The following CRTAM variants were observed in gnomAD, a reference collection of about 807,000 sequenced individuals.
CRTAM encodes cytotoxic and regulatory T cell molecule.
A neutral mutation model predicts 50.0 loss-of-function variants in CRTAM; 44 were observed. The ratio of observed to expected loss-of-function variants is 0.88; its 90% CI spans 0.69 to 1.13. CRTAM has a LOEUF of 1.13. CRTAM is among the 50% of genes most tolerant of loss of function. The pLI is 0.00. For synonymous variants in CRTAM, 159 were observed against 169.3 expected, an observed-to-expected ratio of 0.94 and a Z score of 0.47; for missense variants, 448 against 457.5, an observed-to-expected ratio of 0.98 and a Z score of 0.19.
chr11:122,850,379 C>A (rs1034902996), intron 2 of CRTAM, among the ~76,000 whole-genome samples, 165 bp downstream of exon 2: 1 of 152,206 alleles, frequency 6.6e-6, no homozygotes, highest in East Asian at 1.9e-4. Context: ...TTATTTTACA[C>A]GCAGTGGCTT....
At chr11:122,863,022 C>T (rs961908471) in intron 6 of CRTAM, among the ~76,000 whole-genome samples, 1 of 152,142 alleles carries the variant, frequency 6.6e-6, no homozygotes, top group Non-Finnish European at 1.5e-5. Flanking sequence ...ACATCAATTA[C>T]TTGATTGTCA....
intron 5 of CRTAM, among the ~76,000 whole-genome samples, chr11:122,857,193 G>T (rs1177971871): frequency 6.6e-6 from 1 of 152,224 alleles, no homozygotes; most frequent in East Asian, 1.9e-4. Flanking sequence ...CTAAGGCCAG[G>T]CGTAATGGCT....
At chr11:122,844,886 G>A (rs1207965068) in intron 1 of CRTAM, among the ~76,000 whole-genome samples, 1 of 152,206 alleles carries the variant, frequency 6.6e-6, no homozygotes, top group African/African-American at 2.4e-5. Context: ...AGAGTTATTG[G>A]TTTTGGGCCT....
chr11:122,856,825 A>G (rs1862012829), intron 5 of CRTAM, among the ~76,000 whole-genome samples: 1 of 152,166 alleles, frequency 6.6e-6, no homozygotes, highest in East Asian at 1.9e-4. Context: ...AACCAAAAGT[A>G]GTCATTGCAG....
At chr11:122,868,981 C>T (rs952285389) in intron 9 of CRTAM, among the ~76,000 whole-genome samples, 7 of 151,976 alleles carry the variant, frequency 4.6e-5, no homozygotes, top group Non-Finnish European at 4.4e-5. Flanking sequence ...TGCACTCCAA[C>T]CTGGGTGACA....
At chr11:122,864,349 C>A (rs1025775336) in intron 6 of CRTAM, among the ~76,000 whole-genome samples, 1 of 152,156 alleles carries the variant, frequency 6.6e-6, no homozygotes, top group African/African-American at 2.4e-5. Flanking sequence ...CTGCTCTAAA[C>A]CTCCGTTTTC....
Position 122,871,728 on chromosome 11 carries a change from T to A in CRTAM, c.*329T>A. On this transcript the variant is annotated 3_prime_UTR_variant, in exon 10 of 10. Transcript: ENST00000227348. Reference sequence around the variant, plus strand: ...CCTCAAATGGAACAGGATTTTTTGATGCTTTGCTCTAATGGAACTGTTTAA... The same window carrying A: ...CCTCAAATGGAACAGGATTTTTTGAAGCTTTGCTCTAATGGAACTGTTTAA... 5.9e-6 allele frequency: 1 copy of A among 169,150 alleles called. No homozygotes were observed. 10.5% of individuals were successfully genotyped at this position (169,150 alleles called of 1,614,324 possible).
At chr11:122,853,292 G>T (rs868708266) in intron 3 of CRTAM, among the ~76,000 whole-genome samples, 4 of 151,762 alleles carry the variant, frequency 2.6e-5, no homozygotes, top group Non-Finnish European at 5.9e-5. Flanking sequence ...GGATGGTCTC[G>T]ATCTCCTGAT....
In CRTAM at chr11:122,850,220, T is replaced by TGAAA. The variant is rs756718145; in HGVS notation, c.193+19_193+22dup. Reference sequence around the variant, plus strand: ...TTTTTTAAATGAGTATCCTGGTAAGTGAAAGAAAGAAAGAAAAAATGCCAC... The same window carrying TGAAA: ...TTTTTTAAATGAGTATCCTGGTAAGTGAAAGAAAGAAAGAAAGAAAAAATGCCAC... On this transcript the variant is annotated splice_region_variant and intron_variant, in intron 2 of 9. Transcript: ENST00000227348. 1 of 1,585,518 alleles carries TGAAA rather than the reference T, an allele frequency of 6.3e-7. No individual in the cohort carries two copies. The highest frequency in any genetic ancestry group is 8.6e-7 in the Non-Finnish European group (1 of 1,162,044).
intron 3 of CRTAM, among the ~76,000 whole-genome samples, chr11:122,853,628 T>C (rs1411727693): frequency 6.6e-6 from 1 of 151,564 alleles, no homozygotes; most frequent in Non-Finnish European, 1.5e-5. Flanking sequence ...CGAGACCAGC[T>C]TGGCCACAGA....
chr11:122,869,397 A>G (rs553871300), intron 9 of CRTAM, among the ~76,000 whole-genome samples: 11 of 152,378 alleles, frequency 7.2e-5, no homozygotes, highest in African/African-American at 2.4e-4. Context: ...ATGAGTGACT[A>G]TAGGCTCAAT....
intron 7 of CRTAM, 40 bp from the exon 8 acceptor site, chr11:122,867,369 A>T (rs202125921): frequency 6.8e-7 from 1 of 1,460,344 alleles, no homozygotes; most frequent in East Asian, 2.4e-5. Flanking sequence ...AAAAAAAAAA[A>T]ACCCAAAGTA....
intron 9 of CRTAM, among the ~76,000 whole-genome samples, chr11:122,868,592 T>A (rs1862213165): frequency 1.3e-5 from 2 of 152,188 alleles, no homozygotes; most frequent in Admixed American, 1.3e-4. Context: ...ACTCACACAC[T>A]AATCTCCTCT....
rs1198691489 is a variant in CRTAM, at chr11:122,844,549, CAGG to C, written c.47-5516_47-5514del. On this transcript the variant is annotated intron_variant, in intron 1 of 9. Transcript: ENST00000227348. Reference sequence around the variant, plus strand: ...TGTTTCTCAGTATTTTTATTAACAACAGGAGAACAAAGGTATCTGTCAATCACC... The same window carrying C: ...TGTTTCTCAGTATTTTTATTAACAACAGAACAAAGGTATCTGTCAATCACC... Among the ~76,000 whole-genome samples the C allele has an allele frequency of 2.0e-5, 3 of 152,314 alleles. 1 individual carries two copies. The South Asian group carries it at 6.2e-4, about 32-fold the overall frequency.
chr11:122,847,693 T>G (rs1198604218), intron 1 of CRTAM, among the ~76,000 whole-genome samples: 1 of 152,192 alleles, frequency 6.6e-6, no homozygotes, highest in Non-Finnish European at 1.5e-5. Context: ...TGATGACACA[T>G]AAGTCCCCTG....
intron 5 of CRTAM, among the ~76,000 whole-genome samples, chr11:122,859,811 A>G (rs1468260115): frequency 6.6e-6 from 1 of 152,250 alleles, no homozygotes; most frequent in African/African-American, 2.4e-5. Flanking sequence ...CACTTTGCTT[A>G]GAATTTTTAC....
At chr11:122,860,740 G>A (rs2135246121) in intron 5 of CRTAM, among the ~76,000 whole-genome samples, 1 of 152,246 alleles carries the variant, frequency 6.6e-6, no homozygotes, top group South Asian at 2.1e-4. Flanking sequence ...GTCTCACTCT[G>A]TCACCCAGGC....
chr11:122,865,410 C>CTT (rs375100814), intron 7 of CRTAM, among the ~76,000 whole-genome samples: 11 of 61,176 alleles, frequency 1.8e-4, no homozygotes, highest in African/African-American at 2.9e-4. Flanking sequence ...AGATTTCTCT[C>CTT]TTTTTTTTTT....
intron 6 of CRTAM, among the ~76,000 whole-genome samples, chr11:122,863,546 T>A (rs1862127330): frequency 6.6e-6 from 1 of 152,202 alleles, no homozygotes; most frequent in Non-Finnish European, 1.5e-5. Flanking sequence ...GAGTATCAGA[T>A]CATATTTTTA....
Sources: gnomAD v4.1 joint callset for allele counts (sites outside exome capture counted in the v4.1 genomes callset) on GRCh38, gnomAD v4.1.1 for gene constraint, MANE v1.5 for transcripts, NCBI Gene and HGNC (gene_info 2026-07-23, HGNC 2026-07-21) for gene names.